Variants in LAMA2 observed in about 807,000 individuals in gnomAD.
The protein encoded by LAMA2 is laminin subunit alpha-2.
In LAMA2, 269 loss-of-function variants were observed where a neutral mutation model predicts 364.8. The observed-to-expected ratio is 0.74, with a 90% CI of 0.67 to 0.82. LAMA2 has a LOEUF of 0.82. LAMA2 is among the 40% of genes least tolerant of loss of function. The probability of loss-of-function intolerance (pLI) is 0.00; values close to 1 mark genes in which losing one functional copy is unlikely to be tolerated. For missense variants in LAMA2, 3,807 were observed against 3,873.2 expected, an observed-to-expected ratio of 0.98 and a Z score of 0.45; for synonymous variants, 1,379 against 1,370.6, an observed-to-expected ratio of 1.01 and a Z score of -0.14.
chr6:129,085,114 G>A (rs531063242), intron 3 of LAMA2, among the ~76,000 whole-genome samples: 43 of 152,236 alleles, frequency 2.8e-4, no homozygotes, highest in African/African-American at 1.0e-3. Context: ...TTCCATATTG[G>A]TGAAATACTA....
At chr6:129,459,646 T>C (rs1171394170) in intron 48 of LAMA2, among the ~76,000 whole-genome samples, 6 of 152,188 alleles carry the variant, frequency 3.9e-5, no homozygotes. Context: ...CATAGAGTGA[T>C]TTATACAAGT....
At chr6:129,038,271 A>C (rs1397343043) in intron 1 of LAMA2, among the ~76,000 whole-genome samples, 1 of 152,158 alleles carries the variant, frequency 6.6e-6, no homozygotes, top group Non-Finnish European at 1.5e-5. Flanking sequence ...AAATGAAGCA[A>C]CTGTATACAT....
intron 4 of LAMA2, 143 bp from the exon 5 acceptor site, chr6:129,143,758 T>C: frequency 1.6e-6 from 1 of 635,466 alleles, no homozygotes; most frequent in East Asian, 2.7e-5. Context: ...CTTCACTAGA[T>C]GCCAGTGCAT....
At chr6:129,048,067 ATAG>A (rs534555904) in intron 1 of LAMA2, among the ~76,000 whole-genome samples, 171 of 152,292 alleles carry the variant, frequency 1.1e-3, no homozygotes, top group African/African-American at 3.9e-3. Flanking sequence ...AATAGAGATA[ATAG>A]TGGTATGAAG....
At chr6:128,909,692 GT>G (rs1345586571) in intron 1 of LAMA2, among the ~76,000 whole-genome samples, 1 of 150,344 alleles carries the variant, frequency 6.7e-6, no homozygotes, top group African/African-American at 2.5e-5. Context: ...ATGTTAGCTG[GT>G]TATTTTGCTC....
At chr6:129,125,656 A>G (rs1777069359) in intron 4 of LAMA2, among the ~76,000 whole-genome samples, 1 of 152,210 alleles carries the variant, frequency 6.6e-6, no homozygotes, top group African/African-American at 2.4e-5. Context: ...TTTGCTTCCT[A>G]AGAAAATGAA....
rs143107213 is a variant in LAMA2, at chr6:128,980,349, T to C, written c.113-69569T>C. 5.5e-3 allele frequency among the ~76,000 whole-genome samples: 835 copies of C among 152,326 alleles called. 11 individuals carry two copies. The highest frequency in any genetic ancestry group is 0.019 in the African/African-American group (796 of 41,568). ...GTCAATACTGCACAAATACGCGTAG[T>C]CTGCTGACAGTAACCTGCCAGGTTC... On this transcript the variant is annotated intron_variant, in intron 1 of 64. Transcript: ENST00000421865.
At chr6:129,153,409 T>C (rs149287138) in intron 7 of LAMA2, among the ~76,000 whole-genome samples, 17 of 152,296 alleles carry the variant, frequency 1.1e-4, no homozygotes, top group Admixed American at 1.1e-3. Flanking sequence ...TCCAAGACAG[T>C]TGGTTGCAAA....
At chr6:129,172,857 C>T (rs1490499274) in intron 9 of LAMA2, among the ~76,000 whole-genome samples, 2 of 152,236 alleles carry the variant, frequency 1.3e-5, no homozygotes, top group East Asian at 1.9e-4. Flanking sequence ...AAGCCAGGTG[C>T]AGGATATAAT....
At chr6:129,400,007 A>C (rs1779877319) in intron 37 of LAMA2, among the ~76,000 whole-genome samples, 1 of 152,132 alleles carries the variant, frequency 6.6e-6, no homozygotes. Flanking sequence ...GAGACCAAAA[A>C]CTGAGTGGCT....
At chr6:129,504,340 G>A (rs887568458) in intron 60 of LAMA2, among the ~76,000 whole-genome samples, 1 of 152,196 alleles carries the variant, frequency 6.6e-6, no homozygotes, top group Non-Finnish European at 1.5e-5. Context: ...GAACCACAAT[G>A]AGGCTGGGAT....
At chr6:129,012,068 A>C (rs182601579) in intron 1 of LAMA2, among the ~76,000 whole-genome samples, 370 of 152,186 alleles carry the variant, frequency 2.4e-3, no homozygotes, top group African/African-American at 7.9e-3. Flanking sequence ...CTCAGGATTA[A>C]TTTTTTTGTC....
rs1306613078 is a variant in LAMA2, at chr6:129,004,403, TAATAA to T, written c.113-45512_113-45508del. 2.1e-3 allele frequency among the ~76,000 whole-genome samples: 45 copies of T among 21,708 alleles called. 1 individual carries two copies. The highest frequency in any genetic ancestry group is 0.014 in the African/African-American group (41 of 2,970). 14.2% of individuals were successfully genotyped at this position (21,708 alleles called of 152,430 possible). ...ATGTACCCTAAAACTTAGAGTATAA[TAATAA>T]AAAAAAAAAAAAAAAAAAAAAAGAA... On this transcript the variant is annotated intron_variant, in intron 1 of 64. Coordinates refer to ENST00000421865, the MANE Select transcript of LAMA2 (RefSeq NM_000426.4).
intron 3 of LAMA2, among the ~76,000 whole-genome samples, chr6:129,086,533 G>A (rs1412901407): frequency 6.6e-6 from 1 of 152,160 alleles, no homozygotes; most frequent in Non-Finnish European, 1.5e-5. Context: ...ATAACCTTAG[G>A]TTAGAAATTC....
chr6:129,492,393 T>G lies in LAMA2; in HGVS notation c.8154T>G (p.Asp2718Glu). ...GTGCCCATCAGAAACTCCGTGAAGA[T>G]GAAGATGGAGCAGCTCCAGCTGAAA... is the stretch of plus-strand genomic sequence containing the variant. ...GRCAHQKLRE[D>E]EDGAAPAEIV... is the part of the protein sequence containing the mutation. The change falls in exon 58 of 65, where the codon GAT becomes GAG. Residue 2718 changes from aspartate to glutamate, a missense_variant. Coordinates refer to ENST00000421865, the MANE Select transcript of LAMA2 (RefSeq NM_000426.4). 1 of 1,614,192 alleles carries G rather than the reference T, an allele frequency of 6.2e-7. No homozygotes were observed. Among genetic ancestry groups the G allele is most frequent in the Non-Finnish European group, 8.5e-7 (1 of 1,180,014 alleles).
chr6:129,211,636 G>A (rs146078755), intron 12 of LAMA2, among the ~76,000 whole-genome samples: 10 of 152,246 alleles, frequency 6.6e-5, no homozygotes, highest in South Asian at 2.1e-4. Flanking sequence ...CCTTCAGTAC[G>A]GGATTTCTTT....
intron 1 of LAMA2, among the ~76,000 whole-genome samples, chr6:128,965,054 T>C (rs1343206416): frequency 6.6e-6 from 1 of 152,030 alleles, no homozygotes; most frequent in East Asian, 1.9e-4. Context: ...GAGAGGATTA[T>C]AAAATGAAGT....
At chr6:129,180,985 T>G (rs1780891991) in intron 10 of LAMA2, among the ~76,000 whole-genome samples, 1 of 152,050 alleles carries the variant, frequency 6.6e-6, no homozygotes, top group Non-Finnish European at 1.5e-5. Context: ...AGAAATGCTT[T>G]CAGACAGTGA....
At chr6:128,902,139 C>T (rs1423385661) in intron 1 of LAMA2, among the ~76,000 whole-genome samples, 1 of 152,210 alleles carries the variant, frequency 6.6e-6, no homozygotes, top group Non-Finnish European at 1.5e-5. Flanking sequence ...CTGAGAACAG[C>T]ATGGGGGAAT....
Sources: gnomAD v4.1 joint callset for allele counts (sites outside exome capture counted in the v4.1 genomes callset) on GRCh38, gnomAD v4.1.1 for gene constraint, MANE v1.5 for transcripts, NCBI Gene and HGNC (gene_info 2026-07-23, HGNC 2026-07-21) for gene names.